The following PCNP variants were observed in gnomAD, a reference collection of about 807,000 sequenced individuals.
PCNP encodes the protein PEST proteolytic signal-containing nuclear protein.
Under a neutral mutation model 21.8 loss-of-function variants are expected in PCNP, and 6 were observed. That is an observed-to-expected ratio of 0.28 (90% CI 0.15 to 0.54). The LOEUF is 0.54. PCNP is among the 20% of genes least tolerant of loss of function. The pLI is 0.95. For synonymous variants in PCNP, 67 were observed against 73.2 expected (o/e 0.92, Z 0.43); for missense variants, 161 against 215.5 (o/e 0.75, Z 1.58).
chr3:101,575,472 C>T (rs892633771), intron 1 of PCNP, among the ~76,000 whole-genome samples: 2 of 150,958 alleles, frequency 1.3e-5, no homozygotes, highest in East Asian at 3.9e-4. Context: ...CCTCCCCACC[C>T]CCTGTCTTTT....
chr3:101,579,611 A>G, intron 1 of PCNP, 179 bp from the exon 2 acceptor site: 1 of 714,174 alleles, frequency 1.4e-6, no homozygotes, highest in Non-Finnish European at 2.6e-6. Context: ...AGCCTCTTCT[A>G]CTGCCACACA....
Sources: gnomAD v4.1 joint callset for allele counts (sites outside exome capture counted in the v4.1 genomes callset) on GRCh38, gnomAD v4.1.1 for gene constraint, MANE v1.5 for transcripts, NCBI Gene and HGNC (gene_info 2026-07-23, HGNC 2026-07-21) for gene names.